The following GNL2 variants were observed in gnomAD, a reference collection of about 807,000 sequenced individuals.
The protein encoded by GNL2 is nucleolar GTP-binding protein 2.
GNL2 carries 51 observed loss-of-function variants against 92.3 expected under a neutral mutation model. The ratio of observed to expected loss-of-function variants is 0.55; its 90% CI spans 0.44 to 0.70. GNL2 has a LOEUF of 0.70. Ranked by LOEUF, GNL2 falls within the 30% of genes least tolerant of loss-of-function variation. GNL2 has a pLI of 0.00. For synonymous variants in GNL2, 283 were observed against 300.6 expected (o/e 0.94, Z 0.61); for missense variants, 844 against 895.6 (o/e 0.94, Z 0.74).
chr1:37,590,387 G>T (rs983914090), intron 4 of GNL2, among the ~76,000 whole-genome samples: 1 of 152,210 alleles, frequency 6.6e-6, no homozygotes, highest in Non-Finnish European at 1.5e-5. Flanking sequence ...GATTACAGGC[G>T]TGAGCCACTG....
At chr1:37,574,532 G>T in intron 11 of GNL2, 76 bp from the exon 12 acceptor site, 2 of 1,408,136 alleles carry the variant, frequency 1.4e-6, no homozygotes, top group Non-Finnish European at 1.0e-6. Context: ...TATTTCAGTT[G>T]TCCCAGGGGT....
At position 37,585,376 on chromosome 1, in the gene GNL2, T is replaced by C. The variant is rs1048548611; in HGVS notation, c.570-1443A>G. ...GTCTGGCCACATTTTTTGTTACATATATTTTACCACAATAAAACATTAAAC... is the reference window on the plus strand; with the variant it reads ...GTCTGGCCACATTTTTTGTTACATACATTTTACCACAATAAAACATTAAAC... On this transcript the variant is annotated intron_variant, in intron 5 of 15. Coordinates refer to ENST00000373062, the MANE Select transcript of GNL2 (RefSeq NM_013285.3). Among the ~76,000 whole-genome samples, 9 of 152,176 alleles carry C rather than the reference T, an allele frequency of 5.9e-5. No homozygotes were observed. The East Asian group carries it at 9.7e-4, about 16-fold the overall frequency.
At chr1:37,567,488 G>C (rs190378234) in intron 15 of GNL2, among the ~76,000 whole-genome samples, 185 bp downstream of exon 15, 2 of 151,822 alleles carry the variant, frequency 1.3e-5, no homozygotes, top group Admixed American at 6.6e-5. Context: ...CTCCTAAAAC[G>C]TATGACATGG....
intron 4 of GNL2, 143 bp downstream of exon 4, chr1:37,590,563 G>T: frequency 1.5e-6 from 1 of 682,368 alleles, no homozygotes; most frequent in Non-Finnish European, 2.5e-6. Context: ...ATGAAAAGGT[G>T]AAAAGAGAGG....
chr1:37,592,826 G>C lies in GNL2; in HGVS notation c.150-20C>G, dbSNP rs373935323. On this transcript the variant is annotated intron_variant, in intron 2 of 15. Transcript: ENST00000373062. ...CTGTTCCTAAATTGAGGAAAGAACA[G>C]ATATTGGTTGACAACAGAAAAATGG... 2.2e-5 allele frequency: 30 copies of C among 1,350,724 alleles called. No homozygotes were observed. Among genetic ancestry groups the C allele is most frequent in the Non-Finnish European group, 2.5e-5 (24 of 942,554 alleles). The allele number at this position is 1,350,724 out of a possible 1,614,324, so 83.7% of individuals were successfully genotyped here. A position where few individuals can be genotyped will look rare whatever the true frequency, so the allele number is the denominator to read the frequency against.
In GNL2 at chr1:37,593,776, C is replaced by A; in HGVS notation, c.135G>T (p.Arg45Ser). 6.2e-7 allele frequency: 1 copy of A among 1,613,578 alleles called. No homozygotes were observed. Among genetic ancestry groups the A allele is most frequent in the Non-Finnish European group, 8.5e-7 (1 of 1,179,496 alleles). Residue 45 changes from arginine (R) to serine (S), a missense_variant, in exon 2 of 16, where the codon AGG (arginine) becomes AGT (serine). Arg to Ser is a moderately radical substitution (Grantham distance 110). Transcript: ENST00000373062. ...RATIRRLNMY[R>S]QKERRNSRGK... is the part of the protein sequence containing the mutation. ...CCAGTGCTCACCTGCGCTCCTTTTGCCTATACATATTCAGGCGCCGGATGG... is the reference window on the plus strand; with the variant it reads ...CCAGTGCTCACCTGCGCTCCTTTTGACTATACATATTCAGGCGCCGGATGG...
At chr1:37,584,013 C>A in intron 5 of GNL2, 80 bp from the exon 6 acceptor site, 14 of 822,652 alleles carry the variant, frequency 1.7e-5, no homozygotes, top group South Asian at 5.6e-5. Context: ...GTCAATGTAC[C>A]AAAAAAAACA....
intron 9 of GNL2, 55 bp downstream of exon 9, chr1:37,576,373 C>A: frequency 6.6e-7 from 1 of 1,524,026 alleles, no homozygotes; most frequent in South Asian, 1.2e-5. Flanking sequence ...CCTAAACAAT[C>A]ACTCTCTATG....
Position 37,582,901 on chromosome 1 carries a change from A to C in GNL2, c.672T>G (p.Leu224=). Residue 224 remains leucine, a synonymous_variant, in exon 7 of 16, where the codon CTT becomes CTG. Transcript: ENST00000373062. ...GAGTACCCATTGGATCTCTAGCATCAAGAACTTGAACTACAACATCTGATG... is the reference window on the plus strand; with the variant it reads ...GAGTACCCATTGGATCTCTAGCATCCAGAACTTGAACTACAACATCTGATG... The part of the protein sequence containing the change: ...IDSSDVVVQV[L]DARDPMGTRS... The C allele has an allele frequency of 6.2e-7, 1 of 1,613,310 alleles. No individual in the cohort carries two copies. The highest frequency in any genetic ancestry group is 2.2e-5 in the East Asian group (1 of 44,868).
intron 5 of GNL2, among the ~76,000 whole-genome samples, chr1:37,585,402 TA>T (rs893622392): frequency 2.0e-5 from 3 of 151,698 alleles, no homozygotes; most frequent in African/African-American, 4.8e-5. Context: ...AACATTAAAC[TA>T]AAAAAAAGCA....
intron 11 of GNL2, 88 bp downstream of exon 11, chr1:37,574,577 C>A: frequency 7.2e-7 from 1 of 1,385,476 alleles, no homozygotes; most frequent in Non-Finnish European, 1.0e-6. Context: ...TCACACTGCT[C>A]ATACATGCAT....
At chr1:37,569,598 C>G (rs1299520739) in intron 12 of GNL2, 3 of 312,870 alleles carry the variant, frequency 9.6e-6, no homozygotes, top group Non-Finnish European at 1.8e-5. Flanking sequence ...CTCCCTAGAC[C>G]TTCCCTAGGG....
intron 3 of GNL2, among the ~76,000 whole-genome samples, chr1:37,591,846 T>G (rs573637541): frequency 6.6e-6 from 1 of 152,182 alleles, no homozygotes; most frequent in Admixed American, 6.5e-5. Flanking sequence ...TCTTATGAGA[T>G]AGGTTTCATC....
In GNL2 at chr1:37,574,463, G is replaced by C; in HGVS notation, c.1303-7C>G. On this transcript the variant is annotated splice_polypyrimidine_tract_variant and splice_region_variant and intron_variant, in intron 11 of 15. Transcript: ENST00000373062. The stretch of plus-strand genomic sequence containing the variant: ...GCAAGTCGGGCTCTCCACCCTGAAA[G>C]GTCACAAAGAGATTCCCAATTAAAT... 1 of 1,606,750 alleles carries C rather than the reference G, an allele frequency of 6.2e-7. No homozygotes were observed. Among genetic ancestry groups the C allele is most frequent in the Non-Finnish European group, 8.5e-7 (1 of 1,173,574 alleles).
intron 3 of GNL2, among the ~76,000 whole-genome samples, chr1:37,591,050 A>G (rs1643884833): frequency 6.6e-6 from 1 of 152,206 alleles, no homozygotes; most frequent in Admixed American, 6.5e-5. Flanking sequence ...CTATTCCACA[A>G]ATCCAGACCC....
chr1:37,568,812 A>C (rs1251938402), intron 13 of GNL2, 39 bp downstream of exon 13: 2 of 1,505,792 alleles, frequency 1.3e-6, no homozygotes, highest in East Asian at 4.5e-5. Context: ...TTGGGAAAGG[A>C]ATGAAAATCT....
chr1:37,582,388 T>C (rs1643784957), intron 7 of GNL2, 52 bp from the exon 8 acceptor site: 1 of 1,055,012 alleles, frequency 9.5e-7, no homozygotes, highest in Non-Finnish European at 1.4e-6. Flanking sequence ...TTTATTTACA[T>C]TATGTGGAAG....
chr1:37,569,333 T>C (rs759616718), intron 12 of GNL2, 31 bp from the exon 13 acceptor site: 3 of 1,418,142 alleles, frequency 2.1e-6, no homozygotes, highest in East Asian at 4.6e-5. Flanking sequence ...GGGAAATAAA[T>C]AGAATCAGAA....
chr1:37,579,716 T>C (rs933703022), intron 8 of GNL2, among the ~76,000 whole-genome samples: 2 of 150,236 alleles, frequency 1.3e-5, no homozygotes, highest in Non-Finnish European at 3.0e-5. Context: ...GCTAACATGG[T>C]GAAAACCCGT....
Sources: allele counts gnomAD v4.1 joint callset (sites outside exome capture counted in the v4.1 genomes callset), GRCh38; gene constraint gnomAD v4.1.1; transcripts MANE v1.5; gene names NCBI Gene and HGNC (gene_info 2026-07-23, HGNC 2026-07-21).